The following CAMTA1 variants were observed in gnomAD, a reference collection of about 807,000 sequenced individuals.
CAMTA1 encodes calmodulin-binding transcription activator 1.
A neutral mutation model predicts 170.9 loss-of-function variants in CAMTA1; 27 were observed. The observed-to-expected ratio is 0.16, with a 90% CI of 0.12 to 0.22. CAMTA1 has a LOEUF of 0.22. CAMTA1 is among the 10% of genes least tolerant of loss of function. CAMTA1 has a pLI of 1.00. For synonymous variants in CAMTA1, 833 were observed against 891.5 expected (o/e 0.93, Z 1.17); for missense variants, 1,619 against 2,217.2 (o/e 0.73, Z 5.42).
intron 5 of CAMTA1, among the ~76,000 whole-genome samples, chr1:7,395,471 A>T (rs1355181790): frequency 6.6e-6 from 1 of 152,076 alleles, no homozygotes; most frequent in Non-Finnish European, 1.5e-5. Flanking sequence ...TGATTATTAT[A>T]GCTTTGTTGT....
At chr1:7,533,769 C>T (rs754559570) in intron 6 of CAMTA1, among the ~76,000 whole-genome samples, 2 of 151,896 alleles carry the variant, frequency 1.3e-5, no homozygotes, top group East Asian at 1.9e-4. Context: ...AAAAATTAGC[C>T]GGGCATGGTG....
intron 6 of CAMTA1, among the ~76,000 whole-genome samples, chr1:7,496,790 G>T (rs1297802310): frequency 6.6e-6 from 1 of 151,976 alleles, no homozygotes; most frequent in African/African-American, 2.4e-5. Context: ...TCTCCTAAGA[G>T]CACCCTGGCC....
chr1:7,650,494 G>A (rs1347539726), intron 7 of CAMTA1, among the ~76,000 whole-genome samples: 2 of 152,266 alleles, frequency 1.3e-5, no homozygotes, highest in East Asian at 1.9e-4. Context: ...GGAAGGTCAA[G>A]CTCTCAACAC....
In CAMTA1 at chr1:7,127,319, C is replaced by T. The variant is rs1004082418; in HGVS notation, c.302+35948C>T. ...GGATCTACGATGGGAAGTCTTCAAC[C>T]GTTGCACCCAGGGACCTTGCTCACC... On this transcript the variant is annotated intron_variant, in intron 4 of 22. Transcript: ENST00000303635. Among the ~76,000 whole-genome samples the T allele has an allele frequency of 2.1e-5, 3 of 140,488 alleles. No individual in the cohort carries two copies. In the South Asian group the frequency reaches 7.2e-4, roughly 34 times the overall value. 92.2% of individuals were successfully genotyped at this position (140,488 alleles called of 152,430 possible). A position where few individuals can be genotyped will look rare whatever the true frequency, so the allele number is the denominator to read the frequency against.
intron 6 of CAMTA1, among the ~76,000 whole-genome samples, chr1:7,481,779 A>T (rs1178566040): frequency 1.3e-5 from 2 of 150,006 alleles, no homozygotes; most frequent in Non-Finnish European, 2.9e-5. Flanking sequence ...CATTAACCAA[A>T]GTTCAATATT....
chr1:7,511,389 T>C (rs2094199776), intron 6 of CAMTA1, among the ~76,000 whole-genome samples: 1 of 112,210 alleles, frequency 8.9e-6, no homozygotes. Flanking sequence ...TGAATGTAAA[T>C]CACTTGGCAT....
Position 6,973,359 on chromosome 1 carries a change from A to G in CAMTA1, c.235-117945A>G, listed in dbSNP as rs893584457. 9.9e-5 allele frequency among the ~76,000 whole-genome samples: 15 copies of G among 152,164 alleles called. No homozygotes were observed. In the East Asian group the frequency reaches 2.1e-3, roughly 21 times the overall value. The stretch of plus-strand genomic sequence containing the variant: ...TTTGACCATTTTTGATACCTCACAT[A>G]AGGAGAATCATGCAGCATTTGTCCT... On this transcript the variant is annotated intron_variant, in intron 3 of 22. Transcript: ENST00000303635.
intron 3 of CAMTA1, among the ~76,000 whole-genome samples, chr1:6,902,696 A>G (rs1182663230): frequency 6.6e-6 from 1 of 152,238 alleles, no homozygotes; most frequent in Non-Finnish European, 1.5e-5. Context: ...AAGAAGTTAT[A>G]CACATGGCCA....
chr1:7,756,754 G>C (rs1264199937), intron 22 of CAMTA1, among the ~76,000 whole-genome samples: 3 of 152,052 alleles, frequency 2.0e-5, no homozygotes, highest in Admixed American at 2.0e-4. Context: ...AGACTGAGGT[G>C]GGAGGATCAT....
At chr1:6,876,481 G>A (rs1669925269) in intron 3 of CAMTA1, among the ~76,000 whole-genome samples, 1 of 151,718 alleles carries the variant, frequency 6.6e-6, no homozygotes, top group Admixed American at 6.6e-5. Context: ...TCCTGCCTCA[G>A]CCTCCAAAGT....
chr1:7,650,891 C>G (rs536782443), intron 7 of CAMTA1, among the ~76,000 whole-genome samples: 3 of 152,322 alleles, frequency 2.0e-5, no homozygotes, highest in South Asian at 4.1e-4. Context: ...TTCCTGTCAA[C>G]AAGAATACAG....
At chr1:7,245,191 ATG>A (rs976663676) in intron 4 of CAMTA1, among the ~76,000 whole-genome samples, 4 of 100,336 alleles carry the variant, frequency 4.0e-5, no homozygotes, top group African/African-American at 1.3e-4. Flanking sequence ...ATATATATAT[ATG>A]TGTGTGTGTA....
At chr1:7,694,761 G>C (rs1415680580) in intron 11 of CAMTA1, 1 of 152,432 alleles carries the variant, frequency 6.6e-6, no homozygotes, top group Non-Finnish European at 1.5e-5. Context: ...TAGCACCACT[G>C]TCCCCTCCTC....
intron 6 of CAMTA1, among the ~76,000 whole-genome samples, chr1:7,639,007 C>T (rs544855434): frequency 6.6e-6 from 1 of 152,280 alleles, no homozygotes; most frequent in African/African-American, 2.4e-5. Context: ...GAGACAGAGT[C>T]TCGCTCTGTT....
chr1:6,824,204 T>C (rs1181405018), intron 2 of CAMTA1, among the ~76,000 whole-genome samples: 1 of 152,196 alleles, frequency 6.6e-6, no homozygotes, highest in Non-Finnish European at 1.5e-5. Flanking sequence ...ATAAAAAGCC[T>C]GGGATGAATA....
intron 4 of CAMTA1, among the ~76,000 whole-genome samples, chr1:7,158,011 T>G (rs536264890): frequency 6.6e-6 from 1 of 152,118 alleles, no homozygotes; most frequent in East Asian, 1.9e-4. Context: ...TACAAAAGAT[T>G]AGCCAGGCGT....
rs116203666 is a variant in CAMTA1 at position 6,983,710 on chromosome 1, A to G, written c.235-107594A>G. 2.1e-5 allele frequency among the ~76,000 whole-genome samples: 3 copies of G among 142,298 alleles called. No homozygotes were observed. In the East Asian group the frequency reaches 7.3e-4, roughly 35 times the overall value. 93.4% of individuals were successfully genotyped at this position (142,298 alleles called of 152,430 possible). ...GAAGGATGGATGAATGGGTGAGTGG[A>G]TGGTTGAATGTATGGGTAGGGGGAT... On this transcript the variant is annotated intron_variant, in intron 3 of 22. Transcript: ENST00000303635.
chr1:7,311,588 C>A (rs1001148360), intron 5 of CAMTA1, among the ~76,000 whole-genome samples: 1 of 142,332 alleles, frequency 7.0e-6, no homozygotes, highest in African/African-American at 2.5e-5. Context: ...GTATCTATTT[C>A]TATGAAAGTT....
chr1:7,097,985 G>A (rs1573007023), intron 4 of CAMTA1, among the ~76,000 whole-genome samples: 1 of 152,176 alleles, frequency 6.6e-6, no homozygotes, highest in Admixed American at 6.5e-5. Context: ...AATGGTGAAA[G>A]TGGTACATTT....
Sources: allele counts gnomAD v4.1 joint callset (sites outside exome capture counted in the v4.1 genomes callset), GRCh38; gene constraint gnomAD v4.1.1; transcripts MANE v1.5; gene names NCBI Gene and HGNC (gene_info 2026-07-23, HGNC 2026-07-21).